Variants in ATXN1 observed in about 807,000 individuals in gnomAD.
ATXN1 encodes the protein ataxin 1.
ATXN1 carries 8 observed loss-of-function variants against 56.4 expected under a neutral mutation model. The observed-to-expected ratio is 0.14, with a 90% confidence interval of 0.08 to 0.26. The LOEUF (loss-of-function observed/expected upper bound fraction) is 0.26, where lower values mean the gene tolerates loss of function less well. Among genes scored for constraint, ATXN1 ranks in the 10% least tolerant of loss-of-function variants. ATXN1 has a pLI of 1.00. For synonymous variants in ATXN1, 514 were observed against 494.6 expected (o/e 1.04, Z -0.52); for missense variants, 987 against 1,106.5 (o/e 0.89, Z 1.53).
At chr6:16,414,232 A>G (rs113460221) in intron 6 of ATXN1, among the ~76,000 whole-genome samples, 17 of 152,334 alleles carry the variant, frequency 1.1e-4, no homozygotes, top group African/African-American at 3.8e-4. Flanking sequence ...CTCACTGTTC[A>G]GGGACCTTTG....
intron 6 of ATXN1, among the ~76,000 whole-genome samples, chr6:16,458,161 C>T (rs568448914): frequency 3.9e-5 from 6 of 152,202 alleles, no homozygotes; most frequent in East Asian, 1.9e-4. Context: ...AAATGACAGC[C>T]GAAGAAAGGG....
rs138299893 is a variant in ATXN1, at chr6:16,395,828, C to T, written c.-160-67358G>A. Among the ~76,000 whole-genome samples the T allele has an allele frequency of 6.3e-3, 956 of 151,688 alleles. 5 individuals carry two copies. Among genetic ancestry groups the T allele is most frequent in the Middle Eastern group, 0.031 (9 of 292 alleles). On this transcript the variant is annotated intron_variant, in intron 6 of 7. Coordinates refer to ENST00000436367, the MANE Select transcript of ATXN1 (RefSeq NM_001128164.2). ...GTCAGGAGATCGAGACCATCCTGGC[C>T]AACATGGTGAAACCCATCTCTACTA...
At chr6:16,409,076 C>A (rs1758745219) in intron 6 of ATXN1, among the ~76,000 whole-genome samples, 1 of 152,072 alleles carries the variant, frequency 6.6e-6, no homozygotes. Context: ...TTAAGTATAC[C>A]TCAGTCATTT....
chr6:16,314,835 T>C (rs952632619), intron 7 of ATXN1, among the ~76,000 whole-genome samples: 1 of 152,096 alleles, frequency 6.6e-6, no homozygotes, highest in African/African-American at 2.4e-5. Flanking sequence ...GGTCTTGAAC[T>C]CCTGACCTCA....
chr6:16,330,130 G>T (rs1009015895), intron 6 of ATXN1, among the ~76,000 whole-genome samples: 1 of 152,062 alleles, frequency 6.6e-6, no homozygotes, highest in Non-Finnish European at 1.5e-5. Flanking sequence ...TAACCAGGCT[G>T]GTCTTGAAAT....
Position 16,494,269 on chromosome 6 carries a change from C to T in ATXN1, c.-298-8160G>A, listed in dbSNP as rs530915545. On this transcript the variant is annotated intron_variant, in intron 5 of 7. Coordinates refer to ENST00000436367, the MANE Select transcript of ATXN1 (RefSeq NM_001128164.2). ...AATATGATTTATTCACAATATCATG[C>T]GTTCCCTGTTCAGTCAACATTTGAT... 4.6e-5 allele frequency among the ~76,000 whole-genome samples: 7 copies of T among 152,260 alleles called. No homozygotes were observed. The South Asian group carries it at 1.0e-3, about 23-fold the overall frequency.
At chr6:16,420,783 A>G (rs1327705745) in intron 6 of ATXN1, among the ~76,000 whole-genome samples, 1 of 152,120 alleles carries the variant, frequency 6.6e-6, no homozygotes, top group African/African-American at 2.4e-5. Flanking sequence ...TTGGAAGGCT[A>G]TTATCTCATA....
At chr6:16,687,163 C>A (rs551006671) in intron 2 of ATXN1, among the ~76,000 whole-genome samples, 86 of 152,332 alleles carry the variant, frequency 5.6e-4, no homozygotes, top group African/African-American at 1.8e-3. Context: ...AAAGTACCAT[C>A]TCACCTTATT....
At chr6:16,517,620 G>A (rs1188555219) in intron 5 of ATXN1, among the ~76,000 whole-genome samples, 1 of 152,148 alleles carries the variant, frequency 6.6e-6, no homozygotes, top group Non-Finnish European at 1.5e-5. Flanking sequence ...AATCTAGTAA[G>A]GGTAAAAGAT....
chr6:16,550,153 T>TA (rs1194433906), intron 4 of ATXN1, among the ~76,000 whole-genome samples: 17 of 34,194 alleles, frequency 5.0e-4, no homozygotes, highest in African/African-American at 1.4e-3. Context: ...ATAAATAAAA[T>TA]ACAAAAAAAA....
chr6:16,341,599 A>C (rs910894420), intron 6 of ATXN1, among the ~76,000 whole-genome samples: 2 of 149,252 alleles, frequency 1.3e-5, no homozygotes, highest in Non-Finnish European at 3.0e-5. Flanking sequence ...GCTCACTGCA[A>C]GCTCCACCTC....
chr6:16,389,332 A>T (rs1003027916), intron 6 of ATXN1, among the ~76,000 whole-genome samples: 1 of 144,094 alleles, frequency 6.9e-6, no homozygotes, highest in Non-Finnish European at 1.5e-5. Flanking sequence ...GCGAGACTCC[A>T]TCTCCAAAAA....
At position 16,326,609 on chromosome 6, in the gene ATXN1, G is replaced by T. The variant is rs377600782; in HGVS notation, c.1702C>A (p.Pro568Thr). The T allele has an allele frequency of 2.0e-4, 329 of 1,614,026 alleles. No homozygotes were observed. The highest frequency in any genetic ancestry group is 6.2e-4 in the Admixed American group (37 of 60,006). The change falls in exon 7 of 8, where the codon CCT becomes ACT. Residue 568 changes from proline (P) to threonine (T), a missense_variant. Physicochemically the swap from Pro to Thr is conservative, Grantham distance 38. Transcript: ENST00000436367. The surrounding 1 kb of genome is among the most constrained non-coding windows in gnomAD (Gnocchi z 6.6). ...QSVASPAAAP[P>T]TLPPYFMKGS... ...TTCATGAAGTAGGGAGGCAGCGTAG[G>T]GGGAGCCGCCGCCGGGGAGGCCACG...
rs745556963 is a variant in ATXN1 at position 16,326,948 on chromosome 6, C to T, written c.1363G>A (p.Ala455Thr). The change falls in exon 7 of 8, where the codon GCA (alanine) becomes ACA (threonine). Residue 455 changes from alanine (A) to threonine (T), a missense_variant. Around this residue, in one of 3 missense-constraint regions of ATXN1, gnomAD observed 723 missense variants for 791.7 expected, o/e 0.91. Coordinates refer to ENST00000436367, the MANE Select transcript of ATXN1 (RefSeq NM_001128164.2). The surrounding 1 kb of genome is among the most constrained non-coding windows in gnomAD (Gnocchi z 6.6). ...PVGLPATAFY[A>T]GTQPPVIGYL... The stretch of plus-strand genomic sequence containing the variant: ...CCGATGACAGGGGGTTGAGTCCCTG[C>T]GTAGAAGGCCGTGGCTGGCAGTCCC... The T allele has an allele frequency of 2.0e-5, 33 of 1,614,076 alleles. No homozygotes were observed. Among genetic ancestry groups the T allele is most frequent in the African/African-American group, 1.1e-4 (8 of 75,038 alleles).
At chr6:16,331,913 TAGTC>T (rs1295877910) in intron 6 of ATXN1, among the ~76,000 whole-genome samples, 1 of 152,242 alleles carries the variant, frequency 6.6e-6, no homozygotes, top group Admixed American at 6.5e-5. Flanking sequence ...GACATCGGCT[TAGTC>T]AGCCCTGAAG....
intron 6 of ATXN1, among the ~76,000 whole-genome samples, chr6:16,335,057 G>A (rs1761086117): frequency 1.3e-5 from 2 of 152,374 alleles, no homozygotes; most frequent in South Asian, 2.1e-4. Flanking sequence ...AGGGGTCCCT[G>A]CCCTGGTTGG....
chr6:16,708,840 A>G (rs1238502375), intron 2 of ATXN1, among the ~76,000 whole-genome samples: 2 of 152,166 alleles, frequency 1.3e-5, no homozygotes, highest in Non-Finnish European at 2.9e-5. Context: ...AGCCTGGCCA[A>G]CGTGGCGAAA....
chr6:16,725,770 C>T (rs958506767), intron 2 of ATXN1, among the ~76,000 whole-genome samples: 6 of 152,054 alleles, frequency 3.9e-5, no homozygotes, highest in Non-Finnish European at 7.3e-5. Context: ...TTTTCCTGCA[C>T]CATTTTAAAG....
At chr6:16,329,102 C>A (rs1209944374) in intron 6 of ATXN1, among the ~76,000 whole-genome samples, 1 of 150,902 alleles carries the variant, frequency 6.6e-6, no homozygotes, top group East Asian at 1.9e-4. Flanking sequence ...GTTTTTTTTT[C>A]TCCTTTTCTT....
Sources: gnomAD v4.1 joint callset for allele counts (sites outside exome capture counted in the v4.1 genomes callset) on GRCh38, gnomAD v4.1.1 for gene constraint, gnomAD v4.1.1 regional missense constraint, Gnocchi (gnomAD v3.1) non-coding constraint, MANE v1.5 for transcripts, NCBI Gene and HGNC (gene_info 2026-07-23, HGNC 2026-07-21) for gene names.